The following ATP5MG variants were observed in gnomAD, a reference collection of about 807,000 sequenced individuals.
ATP5MG encodes the protein ATP synthase membrane subunit g.
In ATP5MG, 7 loss-of-function variants were observed where a neutral mutation model predicts 12.7. The observed-to-expected ratio is 0.55, with a 90% CI of 0.31 to 1.04. The LOEUF is 1.04. ATP5MG is among the 50% of genes least tolerant of loss of function. The probability of loss-of-function intolerance (pLI) is 0.05; values close to 1 mark genes in which losing one functional copy is unlikely to be tolerated. For synonymous variants in ATP5MG, 53 were observed against 48.2 expected (o/e 1.10, Z -0.41); for missense variants, 116 against 126.7 (o/e 0.92, Z 0.41).
At chr11:118,408,297 C>T (rs1948990014) in intron 2 of ATP5MG, among the ~76,000 whole-genome samples, 1 of 152,212 alleles carries the variant, frequency 6.6e-6, no homozygotes. Flanking sequence ...TTTCAGAAGA[C>T]TTCCATAAAT....
Position 118,409,456 on chromosome 11 carries a change from A to G in ATP5MG, c.*358A>G, listed in dbSNP as rs1467797021. ...GAAAACTATAACTTGCCAAAGTAGA[A>G]GAAATAGTAGTACCATATGCCAAAG... On this transcript the variant is annotated 3_prime_UTR_variant, in exon 3 of 3. Coordinates refer to ENST00000300688, the MANE Select transcript of ATP5MG (RefSeq NM_006476.5). 1 of 153,726 alleles carries G rather than the reference A, an allele frequency of 6.5e-6. No individual in the cohort carries two copies. Among genetic ancestry groups the G allele is most frequent in the African/African-American group, 2.4e-5 (1 of 41,502 alleles). The allele number at this position is 153,726 out of a possible 1,614,324, so 9.5% of individuals were successfully genotyped here. A position where few individuals can be genotyped will look rare whatever the true frequency, so the allele number is the denominator to read the frequency against.
At chr11:118,406,816 G>T in intron 1 of ATP5MG, 121 bp from the exon 2 acceptor site, 1 of 1,427,120 alleles carries the variant, frequency 7.0e-7, no homozygotes, top group Middle Eastern at 2.5e-4. Flanking sequence ...TGCACATTTG[G>T]TACAAGCAGT....
intron 1 of ATP5MG, 51 bp downstream of exon 1, chr11:118,401,768 CT>C (rs1423634234): frequency 3.1e-6 from 5 of 1,593,578 alleles, no homozygotes; most frequent in Non-Finnish European, 3.4e-6. Context: ...GCAGGGAGGC[CT>C]GCGATGGCCT....
Position 118,401,606 on chromosome 11 carries a change from C to T in ATP5MG, c.-60C>T. 6.2e-7 allele frequency: 1 copy of T among 1,605,324 alleles called. No individual in the cohort carries two copies. The highest frequency in any genetic ancestry group is 1.1e-5 in the South Asian group (1 of 90,810). ...AGTGGGACGGGGTCCTGCAGCGGGT[C>T]CTTCCGGCGGGTGACATTCAGCCGG... On this transcript the variant is annotated 5_prime_UTR_variant, in exon 1 of 3. Coordinates refer to ENST00000300688, the MANE Select transcript of ATP5MG (RefSeq NM_006476.5).
rs1161647730 is a variant in ATP5MG, at chr11:118,401,843, A to T, written c.52+126A>T. On this transcript the variant is annotated intron_variant, in intron 1 of 2. Coordinates refer to ENST00000300688, the MANE Select transcript of ATP5MG (RefSeq NM_006476.5). ...CGGGTGCCGGGGCGGGATGGCCTGCAGGTGGAGGGAGCAGGAAGCAGGTTG... is the reference window on the plus strand; with the variant it reads ...CGGGTGCCGGGGCGGGATGGCCTGCTGGTGGAGGGAGCAGGAAGCAGGTTG... 4.4e-6 allele frequency: 5 copies of T among 1,142,056 alleles called. No individual in the cohort carries two copies. In the East Asian group the frequency reaches 1.3e-4, roughly 29 times the overall value. The allele number at this position is 1,142,056 out of a possible 1,614,324, so 70.7% of individuals were successfully genotyped here.
chr11:118,403,749 C>T (rs1196118854), intron 1 of ATP5MG, among the ~76,000 whole-genome samples: 2 of 148,476 alleles, frequency 1.3e-5, no homozygotes, highest in Non-Finnish European at 3.0e-5. Flanking sequence ...GCCAAGATTG[C>T]GCCACTGCAC....
chr11:118,401,794 G>A (rs1948929502), intron 1 of ATP5MG, 77 bp downstream of exon 1: 2 of 1,547,532 alleles, frequency 1.3e-6, no homozygotes, highest in Middle Eastern at 1.9e-4. Context: ...GGAAGAAGCG[G>A]GCTGCGAAGA....
intron 2 of ATP5MG, 131 bp downstream of exon 2, chr11:118,407,228 G>T: frequency 7.6e-7 from 1 of 1,307,442 alleles, no homozygotes; most frequent in Non-Finnish European, 1.0e-6. Context: ...AAAAAATTTT[G>T]ACTGCTGAGG....
intron 1 of ATP5MG, among the ~76,000 whole-genome samples, chr11:118,405,401 CACTCA>C (rs1159602803): frequency 6.6e-6 from 1 of 152,038 alleles, no homozygotes; most frequent in Non-Finnish European, 1.5e-5. Context: ...CCTGTAACAT[CACTCA>C]ACCTCCACTG....
chr11:118,401,612 G>T lies in ATP5MG; in HGVS notation c.-54G>T. ...ACGGGGTCCTGCAGCGGGTCCTTCC[G>T]GCGGGTGACATTCAGCCGGCGGTTC... On this transcript the variant is annotated 5_prime_UTR_variant, in exon 1 of 3. Coordinates refer to ENST00000300688, the MANE Select transcript of ATP5MG (RefSeq NM_006476.5). The T allele has an allele frequency of 7.5e-6, 12 of 1,610,714 alleles. No homozygotes were observed. The highest frequency in any genetic ancestry group is 1.0e-5 in the Non-Finnish European group (12 of 1,177,124).
Position 118,407,091 on chromosome 11 carries a change from A to T in ATP5MG, c.207A>T (p.Thr69=). 1 of 1,614,098 alleles carries T rather than the reference A, an allele frequency of 6.2e-7. No individual in the cohort carries two copies. The highest frequency in any genetic ancestry group is 1.7e-5 in the Admixed American group (1 of 60,030). Residue 69 remains threonine, a synonymous_variant, in exon 2 of 3, where the codon ACA becomes ACT. Transcript: ENST00000300688. ...AGACTGGTAGCTTCAAACAGCTCACAGTTAAGGTAACCACGGGCTAAATGA... is the reference window on the plus strand; with the variant it reads ...AGACTGGTAGCTTCAAACAGCTCACTGTTAAGGTAACCACGGGCTAAATGA... The part of the protein sequence containing the change: ...SAQTGSFKQL[T]VKEAVLNGLV...
intron 1 of ATP5MG, 74 bp downstream of exon 1, chr11:118,401,791 G>A (rs1948929462): frequency 1.3e-6 from 2 of 1,557,780 alleles, no homozygotes; most frequent in African/African-American, 2.7e-5. Flanking sequence ...AGAGGAAGAA[G>A]CGGGCTGCGA....
intron 1 of ATP5MG, among the ~76,000 whole-genome samples, chr11:118,403,485 G>A (rs1415556616): frequency 3.4e-5 from 5 of 146,346 alleles, no homozygotes; most frequent in African/African-American, 1.0e-4. Context: ...GACGAAGCGA[G>A]GCTAGGTCTC....
intron 1 of ATP5MG, among the ~76,000 whole-genome samples, chr11:118,404,694 C>T (rs1223449993): frequency 6.6e-6 from 1 of 152,124 alleles, no homozygotes; most frequent in Non-Finnish European, 1.5e-5. Flanking sequence ...GTTATAGGTT[C>T]CTCTACTGTA....
rs113218326 is a variant in ATP5MG, at chr11:118,406,608, C to T, written c.53-329C>T. On this transcript the variant is annotated intron_variant, in intron 1 of 2. Coordinates refer to ENST00000300688, the MANE Select transcript of ATP5MG (RefSeq NM_006476.5). Reference sequence around the variant, plus strand: ...TTGACTGTTCTCTTGTTTTTAAATCCAATTCCTAGCATCTTTACAGTTAGC... The same window carrying T: ...TTGACTGTTCTCTTGTTTTTAAATCTAATTCCTAGCATCTTTACAGTTAGC... The T allele has an allele frequency of 3.3e-4, 78 of 234,312 alleles. 1 individual carries two copies. Among genetic ancestry groups the T allele is most frequent in the Middle Eastern group, 3.3e-3 (2 of 600 alleles). 14.5% of individuals were successfully genotyped at this position (234,312 alleles called of 1,614,324 possible).
intron 1 of ATP5MG, among the ~76,000 whole-genome samples, chr11:118,402,495 C>T (rs1948936426): frequency 1.3e-5 from 2 of 151,930 alleles, no homozygotes; most frequent in Non-Finnish European, 2.9e-5. Context: ...TCATTTTATT[C>T]CTGAAGTGAG....
intron 1 of ATP5MG, among the ~76,000 whole-genome samples, chr11:118,402,970 A>G (rs1246547720): frequency 6.6e-6 from 1 of 151,980 alleles, no homozygotes; most frequent in Non-Finnish European, 1.5e-5. Flanking sequence ...AAAGTGCCAG[A>G]GTTACAGGTG....
At chr11:118,408,879 T>G (rs1948994016) in intron 2 of ATP5MG, 121 bp from the exon 3 acceptor site, 1 of 267,306 alleles carries the variant, frequency 3.7e-6, no homozygotes, top group African/African-American at 2.3e-5. Flanking sequence ...CTAGTTTGAA[T>G]AGCATCTTTT....
Position 118,409,367 on chromosome 11 carries a change from A to AGGTACC in ATP5MG, c.*269_*270insGGTACC. 5.4e-6 allele frequency: 1 copy of AGGTACC among 184,798 alleles called. No homozygotes were observed. The allele number at this position is 184,798 out of a possible 1,614,324, so 11.4% of individuals were successfully genotyped here. A position where few individuals can be genotyped will look rare whatever the true frequency, so the allele number is the denominator to read the frequency against. ...ATGAATATATGGGGATAACATTTTA[A>AGGTACC]TTTGAAGGTTTGGAATATATATATT... On this transcript the variant is annotated 3_prime_UTR_variant, in exon 3 of 3. Coordinates refer to ENST00000300688, the MANE Select transcript of ATP5MG (RefSeq NM_006476.5).
Sources: gnomAD v4.1 joint callset for allele counts (sites outside exome capture counted in the v4.1 genomes callset) on GRCh38, gnomAD v4.1.1 for gene constraint, MANE v1.5 for transcripts, NCBI Gene and HGNC (gene_info 2026-07-23, HGNC 2026-07-21) for gene names.